ACTR3C: variants seen among roughly 807,000 people sequenced by gnomAD.
The protein encoded by ACTR3C is actin related protein 3C.
ACTR3C carries 18 observed loss-of-function variants against 26.3 expected under a neutral mutation model. The observed-to-expected ratio is 0.68, with a 90% CI of 0.47 to 1.01. ACTR3C has a LOEUF of 1.01. Among genes scored for constraint, ACTR3C ranks in the 50% least tolerant of loss-of-function variants. The pLI is 0.00. For synonymous variants in ACTR3C, 55 were observed against 94.5 expected, an observed-to-expected ratio of 0.58 and a Z score of 2.42; for missense variants, 184 against 250.7, an observed-to-expected ratio of 0.73 and a Z score of 1.80.
chr7:150,160,214 TAA>T, the ACTR3C span, among the ~76,000 whole-genome samples: 7 of 152,156 alleles, frequency 4.6e-5, no homozygotes, highest in Non-Finnish European at 7.3e-5. Flanking sequence ...TGCAATTCGA[TAA>T]AGAGTTTTAG....
At chr7:149,968,432 C>A in the ACTR3C span, among the ~76,000 whole-genome samples, 4 of 152,132 alleles carry the variant, frequency 2.6e-5, no homozygotes, top group Non-Finnish European at 5.9e-5. Context: ...ACTCGGGAGG[C>A]TGAGGCAGGA....
chr7:150,005,880 G>T, the ACTR3C span, among the ~76,000 whole-genome samples: 1 of 152,108 alleles, frequency 6.6e-6, no homozygotes, highest in African/African-American at 2.4e-5. Context: ...CTTCTGCCAG[G>T]GTTACAAGAA....
chr7:150,297,368 A>C (rs1794992448), intron 1 of ACTR3C, among the ~76,000 whole-genome samples: 1 of 151,094 alleles, frequency 6.6e-6, no homozygotes, highest in Admixed American at 6.6e-5. Flanking sequence ...AAAAACAATA[A>C]AATAAAATAC....
At chr7:150,087,143 G>T in the ACTR3C span, among the ~76,000 whole-genome samples, 4 of 128,708 alleles carry the variant, frequency 3.1e-5, no homozygotes, top group South Asian at 2.5e-4. Context: ...GTTGTATGTT[G>T]TTTTTTTTTA....
At chr7:150,200,432 A>AT in the ACTR3C span, among the ~76,000 whole-genome samples, 27,405 of 151,902 alleles carry the variant, frequency 0.18, 4,085 homozygotes, top group African/African-American at 0.41. Context: ...TTTAAAAATC[A>AT]TTTTTTTTCA....
the ACTR3C span, among the ~76,000 whole-genome samples, chr7:150,216,743 T>C: frequency 6.6e-6 from 1 of 151,736 alleles, no homozygotes; most frequent in Non-Finnish European, 1.5e-5. Context: ...TCCCAGCAAT[T>C]TGGGAGGCCC....
At chr7:150,041,975 A>T in the ACTR3C span, among the ~76,000 whole-genome samples, 1 of 146,998 alleles carries the variant, frequency 6.8e-6, no homozygotes, top group Admixed American at 6.8e-5. Context: ...GAAGATTTGA[A>T]CTTTCTACTT....
At chr7:149,965,718 C>T in the ACTR3C span, among the ~76,000 whole-genome samples, 2 of 152,164 alleles carry the variant, frequency 1.3e-5, no homozygotes, top group Non-Finnish European at 2.9e-5. Flanking sequence ...TTCTGGGAGC[C>T]GTGGAGAATT....
the ACTR3C span, among the ~76,000 whole-genome samples, chr7:150,235,354 C>T: frequency 1.3e-5 from 2 of 152,198 alleles, no homozygotes; most frequent in African/African-American, 4.8e-5. Flanking sequence ...TTTCCTCCAT[C>T]GCTGCCCATT....
At chr7:150,284,719 T>G (rs770238919) in intron 6 of ACTR3C, 34 bp downstream of exon 6, 7 of 1,535,376 alleles carry the variant, frequency 4.6e-6, no homozygotes, top group South Asian at 1.2e-5. Context: ...AATTGTGGAA[T>G]GAAATCAAAG....
chr7:150,042,112 C>A, the ACTR3C span, among the ~76,000 whole-genome samples: 2 of 85,376 alleles, frequency 2.3e-5, no homozygotes, highest in Admixed American at 1.2e-4. Flanking sequence ...GTGCCTCCCC[C>A]CTCTGCGATG....
the ACTR3C span, among the ~76,000 whole-genome samples, chr7:150,022,055 T>C: frequency 9.5e-3 from 1,450 of 151,920 alleles, 45 homozygotes; most frequent in African/African-American, 0.034. Flanking sequence ...CTGTTTTCCA[T>C]AGTGGTTATA....
chr7:150,216,688 T>C, the ACTR3C span, among the ~76,000 whole-genome samples: 2 of 151,892 alleles, frequency 1.3e-5, no homozygotes, highest in East Asian at 1.9e-4. Flanking sequence ...GAGGCGACCA[T>C]GTAAAAAGAG....
At chr7:150,190,251 G>A in the ACTR3C span, among the ~76,000 whole-genome samples, 8 of 152,126 alleles carry the variant, frequency 5.3e-5, no homozygotes, top group African/African-American at 1.9e-4. Flanking sequence ...TTGTTGACTG[G>A]GTTGGTCATT....
intron 6 of ACTR3C, among the ~76,000 whole-genome samples, chr7:150,275,225 G>T (rs1376028660): frequency 1.3e-5 from 2 of 152,186 alleles, no homozygotes; most frequent in Admixed American, 6.5e-5. Flanking sequence ...AAAAGAGTGG[G>T]TATCGAAACA....
intron 5 of ACTR3C, among the ~76,000 whole-genome samples, chr7:150,285,910 C>T (rs1358721877): frequency 6.6e-6 from 1 of 152,064 alleles, no homozygotes; most frequent in Non-Finnish European, 1.5e-5. Flanking sequence ...GAAGCTTTAC[C>T]TAACTTGCAG....
rs2689433 is a variant in ACTR3C at position 150,301,063 on chromosome 7, A to G, written c.-51-5716T>C. On this transcript the variant is annotated intron_variant, in intron 1 of 7. Coordinates refer to ENST00000683684, the MANE Select transcript of ACTR3C (RefSeq NM_001164458.2). ...TGGCATTAAAAATGAGTTAATACTTATAAACACTTAGAATGGGGCTGGGCA... is the reference window on the plus strand; with the variant it reads ...TGGCATTAAAAATGAGTTAATACTTGTAAACACTTAGAATGGGGCTGGGCA... 2.2e-3 allele frequency among the ~76,000 whole-genome samples: 338 copies of G among 151,832 alleles called. 2 individuals carry two copies. Among genetic ancestry groups the G allele is most frequent in the African/African-American group, 3.0e-3 (126 of 41,576 alleles).
the ACTR3C span, among the ~76,000 whole-genome samples, chr7:149,952,810 C>G: frequency 6.6e-6 from 1 of 150,620 alleles, no homozygotes; most frequent in African/African-American, 2.5e-5. Flanking sequence ...AATGATAAAG[C>G]CTTGTGTTGA....
chr7:149,948,471 G>C, the ACTR3C span, among the ~76,000 whole-genome samples: 7 of 150,826 alleles, frequency 4.6e-5, no homozygotes, highest in Non-Finnish European at 2.9e-5. Flanking sequence ...GAAAGCAGCA[G>C]AGCCTGCGCG....
Sources: gnomAD v4.1 joint callset for allele counts (sites outside exome capture counted in the v4.1 genomes callset) on GRCh38, gnomAD v4.1.1 for gene constraint, MANE v1.5 for transcripts, NCBI Gene and HGNC (gene_info 2026-07-23, HGNC 2026-07-21) for gene names.